The following OR1K1 variants were observed in gnomAD, a reference collection of about 807,000 sequenced individuals.
OR1K1 encodes olfactory receptor 1K1.
For synonymous variants in OR1K1, 168 were observed against 178.2 expected (o/e 0.94, Z 0.46); for missense variants, 409 against 407.9 (o/e 1.00, Z -0.02).
chr9:122,800,526 C>A lies in OR1K1; in HGVS notation c.404C>A (p.Thr135Lys). 2 of 1,612,358 alleles carry A rather than the reference C, an allele frequency of 1.2e-6. No homozygotes were observed. Among genetic ancestry groups the A allele is most frequent in the Non-Finnish European group, 1.7e-6 (2 of 1,179,966 alleles). ...VAIRHPLPYA[T>K]RMSRAMCAAL... ...ATCCGGCACCCCCTCCCCTATGCCA[C>A]GAGGATGTCCCGGGCCATGTGCGCA... The change falls in exon 1 of 1, where the codon ACG (threonine) becomes AAG (lysine). Residue 135 changes from threonine (T) to lysine (K), a missense_variant. Coordinates refer to ENST00000277309, the MANE Select transcript of OR1K1 (RefSeq NM_080859.1).
At position 122,800,199 on chromosome 9, in the gene OR1K1, G is replaced by C. The variant is rs1374483484; in HGVS notation, c.77G>C (p.Arg26Pro). The change falls in exon 1 of 1, where the codon CGG becomes CCG. Residue 26 changes from arginine to proline, a missense_variant. Physicochemically the swap from Arg to Pro is moderately radical, Grantham distance 103. Transcript: ENST00000277309. ...LGLTTSPGQQRPLFVLFLLLY... is the reference protein window; with the variant it reads ...LGLTTSPGQQPPLFVLFLLLY... ...CTGACAACAAGTCCTGGACAGCAGC[G>C]GCCTCTCTTTGTGCTGTTCTTGCTC... 2 of 1,614,100 alleles carry C rather than the reference G, an allele frequency of 1.2e-6. No individual in the cohort carries two copies. Among genetic ancestry groups the C allele is most frequent in the South Asian group, 1.1e-5 (1 of 91,084 alleles).
In OR1K1 at chr9:122,800,587, C is replaced by A. The variant is rs774256183; in HGVS notation, c.465C>A (p.Val155=). ...GAATGGCATGGCTGGTGTCCCACGT[C>A]CACTCCCTCCTGTATATCCTGCTCA... ...LVGMAWLVSH[V]HSLLYILLMA... The change falls in exon 1 of 1, where the codon GTC becomes GTA. Residue 155 remains valine (V), a synonymous_variant. Coordinates refer to ENST00000277309, the MANE Select transcript of OR1K1 (RefSeq NM_080859.1). 3.0e-5 allele frequency: 49 copies of A among 1,613,806 alleles called. No homozygotes were observed. The highest frequency in any genetic ancestry group is 4.2e-5 in the Non-Finnish European group (49 of 1,180,020).
rs747965331 is a variant in OR1K1 at position 122,800,897 on chromosome 9, G to A, written c.775G>A (p.Val259Ile). ...VSLFYGTVIA[V>I]YFQATSRREA... The stretch of plus-strand genomic sequence containing the variant: ...CCTCTTCTATGGGACAGTCATTGCA[G>A]TCTACTTCCAGGCCACATCCCGACG... The change falls in exon 1 of 1, where the codon GTC becomes ATC. Residue 259 changes from valine to isoleucine, a missense_variant. Val to Ile is a conservative substitution (Grantham distance 29). Transcript: ENST00000277309. 4 of 1,614,154 alleles carry A rather than the reference G, an allele frequency of 2.5e-6. No individual in the cohort carries two copies. In the Admixed American group the frequency reaches 6.7e-5, roughly 27 times the overall value.
Position 122,800,485 on chromosome 9 carries a change from T to C in OR1K1, c.363T>C (p.Tyr121=). ...GCTGTCTTCTGGCGGCCATGGCCTA[T>C]GACTGCTACGTGGCCATCCGGCACC... ...TDSCLLAAMA[Y]DCYVAIRHPL... is the part of the protein sequence containing the mutation. Residue 121 remains tyrosine, a synonymous_variant, in exon 1 of 1, where the codon TAT becomes TAC. Coordinates refer to ENST00000277309, the MANE Select transcript of OR1K1 (RefSeq NM_080859.1). 6.2e-7 allele frequency: 1 copy of C among 1,611,634 alleles called. No homozygotes were observed. The highest frequency in any genetic ancestry group is 8.5e-7 in the Non-Finnish European group (1 of 1,180,010).
At position 122,800,698 on chromosome 9, in the gene OR1K1, C is replaced by A; in HGVS notation, c.576C>A (p.Asp192Glu). 1 of 1,614,150 alleles carries A rather than the reference C, an allele frequency of 6.2e-7. No homozygotes were observed. The highest frequency in any genetic ancestry group is 2.2e-5 in the East Asian group (1 of 44,878). ...CTCTCTTAAGGCTCTCGTGCTCTGA[C>A]ACCCACCACATCCAGCTGCTCATCT... ...HQPLLRLSCS[D>E]THHIQLLIFT... Residue 192 changes from aspartate to glutamate, a missense_variant, in exon 1 of 1, where the codon GAC becomes GAA. Asp to Glu is a conservative substitution (Grantham distance 45). Transcript: ENST00000277309.
rs1167058493 is a variant in OR1K1 at position 122,800,149 on chromosome 9, G to A, written c.27G>A (p.Glu9=). The A allele has an allele frequency of 6.2e-7, 1 of 1,611,908 alleles. No homozygotes were observed. Among genetic ancestry groups the A allele is most frequent in the East Asian group, 2.2e-5 (1 of 44,868 alleles). MEAANESS[E]GISFVLLGLT... is the part of the protein sequence containing the mutation. ...TGGAGGCTGCCAATGAGTCTTCAGA[G>A]GGAATCTCATTCGTTTTATTGGGAC... is the stretch of plus-strand genomic sequence containing the variant. The change falls in exon 1 of 1, where the codon GAG becomes GAA. Residue 9 remains glutamate, a synonymous_variant. Coordinates refer to ENST00000277309, the MANE Select transcript of OR1K1 (RefSeq NM_080859.1).
chr9:122,800,722 C>T lies in OR1K1; in HGVS notation c.600C>T (p.Ile200=). The change falls in exon 1 of 1, where the codon ATC becomes ATT. Residue 200 remains isoleucine, a synonymous_variant. Transcript: ENST00000277309. The part of the protein sequence containing the change: ...CSDTHHIQLL[I]FTEGAAVVVT... ...ACACCCACCACATCCAGCTGCTCAT[C>T]TTCACCGAGGGCGCCGCAGTGGTGG... is the stretch of plus-strand genomic sequence containing the variant. 6.2e-7 allele frequency: 1 copy of T among 1,614,170 alleles called. No individual in the cohort carries two copies. The highest frequency in any genetic ancestry group is 8.5e-7 in the Non-Finnish European group (1 of 1,180,046).
rs1357450962 is a variant in OR1K1 at position 122,800,704 on chromosome 9, C to T, written c.582C>T (p.His194=). ...TAAGGCTCTCGTGCTCTGACACCCA[C>T]CACATCCAGCTGCTCATCTTCACCG... is the stretch of plus-strand genomic sequence containing the variant. The part of the protein sequence containing the change: ...PLLRLSCSDT[H]HIQLLIFTEG... Residue 194 remains histidine (H), a synonymous_variant, in exon 1 of 1, where the codon CAC becomes CAT. Coordinates refer to ENST00000277309, the MANE Select transcript of OR1K1 (RefSeq NM_080859.1). 6.2e-7 allele frequency: 1 copy of T among 1,614,054 alleles called. No homozygotes were observed. The highest frequency in any genetic ancestry group is 2.2e-5 in the East Asian group (1 of 44,888).
Position 122,800,359 on chromosome 9 carries a change from G to A in OR1K1, c.237G>A (p.Val79=). 1.2e-6 allele frequency: 2 copies of A among 1,614,132 alleles called. No individual in the cohort carries two copies. The highest frequency in any genetic ancestry group is 1.7e-6 in the Non-Finnish European group (2 of 1,180,042). ...FADLCFASVT[V]PKMLANLLAH... ...ACCTCTGCTTCGCCTCCGTCACTGT[G>A]CCCAAGATGTTGGCCAACTTGTTGG... Residue 79 remains valine (V), a synonymous_variant, in exon 1 of 1, where the codon GTG becomes GTA. Coordinates refer to ENST00000277309, the MANE Select transcript of OR1K1 (RefSeq NM_080859.1).
Position 122,800,918 on chromosome 9 carries a change from C to T in OR1K1, c.796C>T (p.Arg266Ter), listed in dbSNP as rs1016395832. 3.7e-6 allele frequency: 6 copies of T among 1,614,064 alleles called. No individual in the cohort carries two copies. The highest frequency in any genetic ancestry group is 1.3e-5 in the African/African-American group (1 of 74,948). ...TGCAGTCTACTTCCAGGCCACATCCCGACGCGAGGCAGAGTGGGGCCGTGT... is the reference window on the plus strand; with the variant it reads ...TGCAGTCTACTTCCAGGCCACATCCTGACGCGAGGCAGAGTGGGGCCGTGT... ...VIAVYFQATS[R>*]REAEWGRVAT... is the part of the protein sequence containing the mutation. The change falls in exon 1 of 1, where the codon CGA (arginine) becomes TGA (stop). Residue 266 changes from arginine to a stop codon, truncating the protein, a stop_gained. Transcript: ENST00000277309. LOFTEE classifies it low-confidence loss of function (END_TRUNC).
rs754479521 is a variant in OR1K1, at chr9:122,800,463, G to A, written c.341G>A (p.Cys114Tyr). Residue 114 changes from cysteine to tyrosine, a missense_variant, in exon 1 of 1, where the codon TGT becomes TAT. Cys to Tyr is a radical substitution (Grantham distance 194). Transcript: ENST00000277309. ...TTTGCCCTGGGGGTAACTGATAGCTGTCTTCTGGCGGCCATGGCCTATGAC... is the reference window on the plus strand; with the variant it reads ...TTTGCCCTGGGGGTAACTGATAGCTATCTTCTGGCGGCCATGGCCTATGAC... ...FFFALGVTDS[C>Y]LLAAMAYDCY... The A allele has an allele frequency of 1.4e-4, 221 of 1,611,680 alleles. No homozygotes were observed. The highest frequency in any genetic ancestry group is 1.7e-4 in the Non-Finnish European group (203 of 1,180,028).
In OR1K1 at chr9:122,800,214, T is replaced by C; in HGVS notation, c.92T>C (p.Leu31Pro). Residue 31 changes from leucine to proline, a missense_variant, in exon 1 of 1, where the codon CTG (leucine) becomes CCG (proline). Physicochemically the swap from Leu to Pro is moderately conservative, Grantham distance 98. Transcript: ENST00000277309. ...GGACAGCAGCGGCCTCTCTTTGTGC[T>C]GTTCTTGCTCTTGTATGTGGCCAGC... ...SPGQQRPLFVLFLLLYVASLL... is the reference protein window; with the variant it reads ...SPGQQRPLFVPFLLLYVASLL... 3.7e-6 allele frequency: 6 copies of C among 1,614,228 alleles called. No individual in the cohort carries two copies. Among genetic ancestry groups the C allele is most frequent in the Non-Finnish European group, 3.4e-6 (4 of 1,180,030 alleles).
rs374632935 is a variant in OR1K1 at position 122,800,495 on chromosome 9, G to A, written c.373G>A (p.Val125Met). 5.8e-5 allele frequency: 93 copies of A among 1,611,394 alleles called. No individual in the cohort carries two copies. Among genetic ancestry groups the A allele is most frequent in the Middle Eastern group, 1.6e-4 (1 of 6,080 alleles). ...LLAAMAYDCY[V>M]AIRHPLPYAT... is the part of the protein sequence containing the mutation. ...GGCGGCCATGGCCTATGACTGCTAC[G>A]TGGCCATCCGGCACCCCCTCCCCTA... Residue 125 changes from valine (V) to methionine (M), a missense_variant, in exon 1 of 1, where the codon GTG (valine) becomes ATG (methionine). Val to Met is a conservative substitution (Grantham distance 21). Coordinates refer to ENST00000277309, the MANE Select transcript of OR1K1 (RefSeq NM_080859.1).
At position 122,800,789 on chromosome 9, in the gene OR1K1, G is replaced by A. The variant is rs909355785; in HGVS notation, c.667G>A (p.Ala223Thr). Residue 223 changes from alanine to threonine, a missense_variant, in exon 1 of 1, where the codon GCA becomes ACA. By Grantham distance (58) the Ala-to-Thr change is moderately conservative. Transcript: ENST00000277309. ...LLILASYGAI[A>T]AAVLQLPSAS... ...CATCCTCGCCTCCTATGGGGCCATC[G>A]CAGCTGCCGTGCTCCAGCTGCCCTC... 12 of 1,613,682 alleles carry A rather than the reference G, an allele frequency of 7.4e-6. No individual in the cohort carries two copies. Among genetic ancestry groups the A allele is most frequent in the African/African-American group, 4.0e-5 (3 of 74,936 alleles).
Position 122,800,269 on chromosome 9 carries a change from C to T in OR1K1, c.147C>T (p.Ala49=), listed in dbSNP as rs1347551192. Residue 49 remains alanine, a synonymous_variant, in exon 1 of 1, where the codon GCC becomes GCT. Coordinates refer to ENST00000277309, the MANE Select transcript of OR1K1 (RefSeq NM_080859.1). ...TGGGTAATGGACTCATTGTGGCTGC[C>T]ATCCAGGCCAGTCCAGCCCTTCATG... ...SLLGNGLIVA[A]IQASPALHAP... The T allele has an allele frequency of 2.5e-6, 4 of 1,614,226 alleles. No homozygotes were observed. The South Asian group carries it at 3.3e-5, about 13-fold the overall frequency.
Position 122,800,238 on chromosome 9 carries a change from G to C in OR1K1, c.116G>C (p.Ser39Thr). 1 of 1,614,166 alleles carries C rather than the reference G, an allele frequency of 6.2e-7. No individual in the cohort carries two copies. The highest frequency in any genetic ancestry group is 8.5e-7 in the Non-Finnish European group (1 of 1,179,998). ...FVLFLLLYVA[S>T]LLGNGLIVAA... ...CTGTTCTTGCTCTTGTATGTGGCCAGCCTCCTGGGTAATGGACTCATTGTG... is the reference window on the plus strand; with the variant it reads ...CTGTTCTTGCTCTTGTATGTGGCCACCCTCCTGGGTAATGGACTCATTGTG... The change falls in exon 1 of 1, where the codon AGC (serine) becomes ACC (threonine). Residue 39 changes from serine (S) to threonine (T), a missense_variant. Physicochemically the swap from Ser to Thr is moderately conservative, Grantham distance 58. Coordinates refer to ENST00000277309, the MANE Select transcript of OR1K1 (RefSeq NM_080859.1).
rs1281303884 is a variant in OR1K1, at chr9:122,800,206, C to A, written c.84C>A (p.Leu28=). 2 of 1,614,194 alleles carry A rather than the reference C, an allele frequency of 1.2e-6. No homozygotes were observed. Among genetic ancestry groups the A allele is most frequent in the Non-Finnish European group, 1.7e-6 (2 of 1,180,008 alleles). Residue 28 remains leucine (L), a synonymous_variant, in exon 1 of 1, where the codon CTC becomes CTA. Transcript: ENST00000277309. The part of the protein sequence containing the change: ...LTTSPGQQRP[L]FVLFLLLYVA... ...CAAGTCCTGGACAGCAGCGGCCTCTCTTTGTGCTGTTCTTGCTCTTGTATG... is the reference window on the plus strand; with the variant it reads ...CAAGTCCTGGACAGCAGCGGCCTCTATTTGTGCTGTTCTTGCTCTTGTATG...
In OR1K1 at chr9:122,801,072, G is replaced by A. The variant is rs772147203; in HGVS notation, c.950G>A (p.Ter317=). The change falls in exon 1 of 1, where the codon TGA becomes TAA. Residue 317 remains the stop codon, a stop_retained_variant. Coordinates refer to ENST00000277309, the MANE Select transcript of OR1K1 (RefSeq NM_080859.1). The stretch of plus-strand genomic sequence containing the variant: ...CGAAGGATCTCAGCTAGTGACTCCT[G>A]AGGGCAGGACCCCACTGAGGACAGA... ...IGRRISASDS[*] 2 of 1,595,936 alleles carry A rather than the reference G, an allele frequency of 1.3e-6. No homozygotes were observed. The highest frequency in any genetic ancestry group is 4.5e-5 in the East Asian group (2 of 44,810).
chr9:122,800,934 G>T lies in OR1K1; in HGVS notation c.812G>T (p.Trp271Leu), dbSNP rs953643558. ...FQATSRREAE[W>L]GRVATVMYTV... ...GCCACATCCCGACGCGAGGCAGAGT[G>T]GGGCCGTGTGGCCACTGTCATGTAC... Residue 271 changes from tryptophan (W) to leucine (L), a missense_variant, in exon 1 of 1, where the codon TGG becomes TTG. Transcript: ENST00000277309. 6.2e-7 allele frequency: 1 copy of T among 1,614,036 alleles called. No individual in the cohort carries two copies. Among genetic ancestry groups the T allele is most frequent in the East Asian group, 2.2e-5 (1 of 44,892 alleles).
Sources: allele counts gnomAD v4.1 joint callset, GRCh38; gene constraint gnomAD v4.1.1; transcripts MANE v1.5; gene names NCBI Gene and HGNC (gene_info 2026-07-23, HGNC 2026-07-21).